CSMD1: variants seen among roughly 807,000 people sequenced by gnomAD.
CSMD1 encodes CUB and sushi domain-containing protein 1.
A neutral mutation model predicts 417.5 loss-of-function variants in CSMD1; 213 were observed. The ratio of observed to expected loss-of-function variants is 0.51; its 90% CI spans 0.46 to 0.57. The LOEUF (loss-of-function observed/expected upper bound fraction) is 0.57. Among genes scored for constraint, CSMD1 ranks in the 20% least tolerant of loss-of-function variants. The pLI, the probability that CSMD1 is intolerant of heterozygous loss-of-function variation, is 0.00. For missense variants in CSMD1, 6,923 were observed against 4,529.7 expected (o/e 1.53, Z -15.17); for synonymous variants, 2,862 against 1,736.8 (o/e 1.65, Z -16.11).
At chr8:4,833,780 A>C (rs190968949) in intron 1 of CSMD1, among the ~76,000 whole-genome samples, 17 of 152,284 alleles carry the variant, frequency 1.1e-4, no homozygotes, top group Non-Finnish European at 1.3e-4. Flanking sequence ...TTAGGATATG[A>C]TCCCATGGAA....
chr8:4,764,564 C>G (rs1220667567), intron 1 of CSMD1, among the ~76,000 whole-genome samples: 1 of 151,948 alleles, frequency 6.6e-6, no homozygotes, highest in African/African-American at 2.4e-5. Context: ...CCAAGCTGCT[C>G]TCTAAAAATA....
chr8:4,161,362 G>A (rs975270649), intron 3 of CSMD1, among the ~76,000 whole-genome samples: 1 of 152,218 alleles, frequency 6.6e-6, no homozygotes, highest in Admixed American at 6.5e-5. Flanking sequence ...CTGTAAAAAT[G>A]CAGGCTTTCA....
intron 1 of CSMD1, among the ~76,000 whole-genome samples, chr8:4,775,164 T>C (rs1796785087): frequency 6.6e-6 from 1 of 152,216 alleles, no homozygotes; most frequent in South Asian, 2.1e-4. Flanking sequence ...GCAGTAATTC[T>C]AATATTCTCA....
At chr8:3,275,945 T>C (rs13280994) in intron 26 of CSMD1, among the ~76,000 whole-genome samples, 41,749 of 152,088 alleles carry the variant, frequency 0.27, 5,941 homozygotes, top group African/African-American at 0.34. Context: ...ACTCTTTCTC[T>C]GTTCAGCTTT....
chr8:4,274,176 T>C (rs954155115), intron 3 of CSMD1, among the ~76,000 whole-genome samples: 1 of 152,112 alleles, frequency 6.6e-6, no homozygotes, highest in South Asian at 2.1e-4. Flanking sequence ...CAAAGTTAAA[T>C]TAGACATCAA....
rs184721230 is a variant in CSMD1, at chr8:4,930,402, T to C, written c.85+63930A>G. ...ACACACGCATATATATATACACATATACATGCACACATCATTTTGAGAAGT... is the reference window on the plus strand; with the variant it reads ...ACACACGCATATATATATACACATACACATGCACACATCATTTTGAGAAGT... On this transcript the variant is annotated intron_variant, in intron 1 of 69. Coordinates refer to ENST00000635120, the MANE Select transcript of CSMD1 (RefSeq NM_033225.6). 5.6e-4 allele frequency among the ~76,000 whole-genome samples: 85 copies of C among 152,248 alleles called. No individual in the cohort carries two copies. In the East Asian group the frequency reaches 0.014, roughly 24 times the overall value.
chr8:3,953,710 G>A (rs1201138433), intron 5 of CSMD1, among the ~76,000 whole-genome samples: 5 of 152,102 alleles, frequency 3.3e-5, no homozygotes, highest in African/African-American at 9.7e-5. Flanking sequence ...GGATAGGCAC[G>A]GGGACTCAGG....
chr8:4,021,871 C>T (rs746534044), intron 4 of CSMD1, among the ~76,000 whole-genome samples: 3 of 151,900 alleles, frequency 2.0e-5, no homozygotes, highest in Non-Finnish European at 4.4e-5. Context: ...AGTGCCATCC[C>T]CCTCTCTAGC....
chr8:3,655,117 A>G (rs1404114811), intron 7 of CSMD1, among the ~76,000 whole-genome samples: 2 of 151,988 alleles, frequency 1.3e-5, no homozygotes, highest in Non-Finnish European at 2.9e-5. Flanking sequence ...AATACACATT[A>G]ATTTTCCAAG....
At chr8:4,053,444 G>A (rs1798536955) in intron 3 of CSMD1, among the ~76,000 whole-genome samples, 1 of 152,002 alleles carries the variant, frequency 6.6e-6, no homozygotes, top group African/African-American at 2.4e-5. Flanking sequence ...CATGGTCTCG[G>A]TGGGGAACCC....
At chr8:4,112,148 C>T (rs1486869426) in intron 3 of CSMD1, among the ~76,000 whole-genome samples, 1 of 152,138 alleles carries the variant, frequency 6.6e-6, no homozygotes, top group African/African-American at 2.4e-5. Context: ...GCTGGGCATC[C>T]AGAGCTTAAA....
chr8:3,666,197 G>A (rs146176710), intron 7 of CSMD1, among the ~76,000 whole-genome samples: 8 of 152,104 alleles, frequency 5.3e-5, no homozygotes, highest in Non-Finnish European at 1.2e-4. Context: ...CGCTTGGCTT[G>A]ATGCTTTGTT....
chr8:4,368,257 CTTT>C (rs915579171), intron 3 of CSMD1, among the ~76,000 whole-genome samples: 2 of 151,984 alleles, frequency 1.3e-5, no homozygotes, highest in African/African-American at 2.4e-5. Context: ...GATCTTGTGG[CTTT>C]TTTGTTCTGT....
chr8:4,006,060 G>C (rs922938297), intron 4 of CSMD1, among the ~76,000 whole-genome samples: 1 of 152,206 alleles, frequency 6.6e-6, no homozygotes, highest in Non-Finnish European at 1.5e-5. Context: ...TTCAAGGAAT[G>C]AGCTGGAGGA....
At chr8:4,118,461 C>T (rs778927037) in intron 3 of CSMD1, among the ~76,000 whole-genome samples, 3 of 131,530 alleles carry the variant, frequency 2.3e-5, no homozygotes, top group East Asian at 2.3e-4. Flanking sequence ...CAAAAGAAGA[C>T]ATTTATGCAG....
intron 33 of CSMD1, among the ~76,000 whole-genome samples, chr8:3,193,423 G>A (rs1796529694): frequency 6.6e-6 from 1 of 152,130 alleles, no homozygotes. Context: ...GCAGGGAGAA[G>A]CTGTGGAATT....
chr8:3,902,494 A>G (rs1584937732), intron 5 of CSMD1, among the ~76,000 whole-genome samples: 1 of 151,928 alleles, frequency 6.6e-6, no homozygotes, highest in African/African-American at 2.4e-5. Context: ...ATAGTTTGGG[A>G]TGAAACTTCC....
At chr8:4,123,663 T>A (rs1276872948) in intron 3 of CSMD1, among the ~76,000 whole-genome samples, 1 of 152,236 alleles carries the variant, frequency 6.6e-6, no homozygotes, top group Non-Finnish European at 1.5e-5. Context: ...GTAACACTCT[T>A]AAAGTGGGAA....
chr8:4,155,891 C>T (rs959851485), intron 3 of CSMD1, among the ~76,000 whole-genome samples: 1 of 152,126 alleles, frequency 6.6e-6, no homozygotes, highest in African/African-American at 2.4e-5. Flanking sequence ...CCTCTCTGTT[C>T]CCAGTAAGTG....
Sources: gnomAD v4.1 joint callset for allele counts (sites outside exome capture counted in the v4.1 genomes callset) on GRCh38, gnomAD v4.1.1 for gene constraint, MANE v1.5 for transcripts, NCBI Gene and HGNC (gene_info 2026-07-23, HGNC 2026-07-21) for gene names.